The following RCBTB1 variants were observed in gnomAD, a reference collection of about 807,000 sequenced individuals.
RCBTB1 encodes the protein RCC1 and BTB domain-containing protein 1.
Under a neutral mutation model 62.4 loss-of-function variants are expected in RCBTB1, and 46 were observed. The observed-to-expected ratio is 0.74, with a 90% CI of 0.58 to 0.94. The LOEUF is 0.94. Ranked by LOEUF, RCBTB1 falls within the 40% of genes least tolerant of loss-of-function variation. The pLI is 0.00. For missense variants in RCBTB1, 565 were observed against 654.9 expected (o/e 0.86, Z 1.50); for synonymous variants, 222 against 245.8 (o/e 0.90, Z 0.91).
At chr13:49,567,067 G>T in intron 3 of RCBTB1, 87 bp downstream of exon 3, 1 of 1,248,134 alleles carries the variant, frequency 8.0e-7, no homozygotes, top group Non-Finnish European at 1.1e-6. Context: ...TTTATACCCC[G>T]CCTTTTCTCC....
chr13:49,572,080 A>G (rs1336551010), intron 2 of RCBTB1, among the ~76,000 whole-genome samples: 1 of 152,146 alleles, frequency 6.6e-6, no homozygotes. Flanking sequence ...TAATTCCAGC[A>G]CTTTGGGAGG....
At chr13:49,534,347 A>T (rs1172061856) in intron 12 of RCBTB1, 85 bp from the exon 13 acceptor site, 1 of 1,353,952 alleles carries the variant, frequency 7.4e-7, no homozygotes, top group Non-Finnish European at 1.0e-6. Flanking sequence ...CTTTACCCCA[A>T]ATCTCTCACC....
chr13:49,551,958 ATTT>A (rs5803472), intron 7 of RCBTB1, among the ~76,000 whole-genome samples: 18 of 137,496 alleles, frequency 1.3e-4, no homozygotes, highest in Admixed American at 3.1e-4. Context: ...GAATTTTTCC[ATTT>A]TTTTTTTTTT....
At chr13:49,570,270 T>A (rs1454291558) in intron 2 of RCBTB1, among the ~76,000 whole-genome samples, 1 of 152,228 alleles carries the variant, frequency 6.6e-6, no homozygotes, top group South Asian at 2.1e-4. Flanking sequence ...GGTTTGGTAA[T>A]CTACTGCAAG....
intron 9 of RCBTB1, among the ~76,000 whole-genome samples, chr13:49,545,822 G>T (rs191707752): frequency 2.0e-5 from 3 of 152,112 alleles, no homozygotes; most frequent in Non-Finnish European, 4.4e-5. Flanking sequence ...CCTTGGTAGC[G>T]TGCTGTTACC....
At chr13:49,578,239 A>G (rs769721748) in intron 2 of RCBTB1, among the ~76,000 whole-genome samples, 1 of 152,254 alleles carries the variant, frequency 6.6e-6, no homozygotes, top group African/African-American at 2.4e-5. Flanking sequence ...CAGATTACTT[A>G]TAATACCTAA....
intron 3 of RCBTB1, 125 bp from the exon 4 acceptor site, chr13:49,566,893 G>T: frequency 1.0e-6 from 1 of 972,470 alleles, no homozygotes; most frequent in Non-Finnish European, 1.5e-6. Context: ...GACTGATATG[G>T]TTGTTAAGAA....
intron 2 of RCBTB1, among the ~76,000 whole-genome samples, chr13:49,573,787 CTT>C (rs563725059): frequency 8.8e-5 from 11 of 125,608 alleles, no homozygotes; most frequent in African/African-American, 5.7e-5. Flanking sequence ...AAATTTCTCT[CTT>C]TTTTTTTTTT....
At chr13:49,537,104 T>G (rs958922154) in intron 12 of RCBTB1, among the ~76,000 whole-genome samples, 1 of 152,162 alleles carries the variant, frequency 6.6e-6, no homozygotes, top group African/African-American at 2.4e-5. Flanking sequence ...TGTTAATAAT[T>G]TGAAGACCAC....
At chr13:49,562,997 T>A (rs920981813) in intron 4 of RCBTB1, among the ~76,000 whole-genome samples, 25 of 150,662 alleles carry the variant, frequency 1.7e-4, no homozygotes, top group African/African-American at 5.9e-4. Context: ...AATTAAAAAT[T>A]ACACCAGAGT....
chr13:49,544,998 A>G, intron 9 of RCBTB1, 135 bp from the exon 10 acceptor site: 1 of 660,268 alleles, frequency 1.5e-6, no homozygotes, highest in East Asian at 2.8e-5. Context: ...ACCTTGTTTG[A>G]CAAATCAATT....
intron 1 of RCBTB1, among the ~76,000 whole-genome samples, chr13:49,584,646 G>A (rs980247687): frequency 3.9e-5 from 6 of 152,138 alleles, no homozygotes; most frequent in African/African-American, 1.4e-4. Flanking sequence ...TGTCCTCTAA[G>A]GGCTTTTAGT....
chr13:49,560,040 C>T lies in RCBTB1; in HGVS notation c.322G>A (p.Gly108Arg). 1 of 1,614,180 alleles carries T rather than the reference C, an allele frequency of 6.2e-7. No individual in the cohort carries two copies. The highest frequency in any genetic ancestry group is 8.5e-7 in the Non-Finnish European group (1 of 1,180,026). Residue 108 changes from glycine to arginine, a missense_variant, in exon 5 of 13, where the codon GGG becomes AGG. Physicochemically the swap from Gly to Arg is moderately radical, Grantham distance 125. Coordinates refer to ENST00000378302, the MANE Select transcript of RCBTB1 (RefSeq NM_018191.4). ...ATGCCTTGGTTGGTCGTCCCATTCC[C>T]AAGCTGGCTATATCCATTGTGGCCC... Reference protein sequence around the residue: ...AWGHNGYSQLGNGTTNQGIAP... With the variant: ...AWGHNGYSQLRNGTTNQGIAP...
At chr13:49,581,672 A>G (rs946924117) in intron 1 of RCBTB1, among the ~76,000 whole-genome samples, 1 of 152,136 alleles carries the variant, frequency 6.6e-6, no homozygotes, top group African/African-American at 2.4e-5. Context: ...GACAGGGAGT[A>G]CCCCCTAGAA....
At chr13:49,539,344 G>C (rs1960180689) in intron 12 of RCBTB1, 1 of 152,238 alleles carries the variant, frequency 6.6e-6, no homozygotes, top group Non-Finnish European at 1.5e-5. Flanking sequence ...TACTTAATAT[G>C]AGAAAAATGA....
intron 2 of RCBTB1, among the ~76,000 whole-genome samples, chr13:49,571,888 A>G (rs1963422563): frequency 6.6e-6 from 1 of 152,206 alleles, no homozygotes; most frequent in African/African-American, 2.4e-5. Context: ...TAAGGATCAT[A>G]ATTATATCAA....
At chr13:49,575,203 G>A (rs149515280) in intron 2 of RCBTB1, among the ~76,000 whole-genome samples, 192 of 152,220 alleles carry the variant, frequency 1.3e-3, no homozygotes, top group African/African-American at 4.4e-3. Flanking sequence ...ACCACAATGA[G>A]ATACTATCTC....
chr13:49,545,033 G>T (rs912658468), intron 9 of RCBTB1, among the ~76,000 whole-genome samples, 170 bp from the exon 10 acceptor site: 3 of 151,296 alleles, frequency 2.0e-5, no homozygotes, highest in Non-Finnish European at 2.9e-5. Context: ...TAAGTATCCT[G>T]CATCTATAAA....
Position 49,567,198 on chromosome 13 carries a change from C to A in RCBTB1, c.82G>T (p.Gly28Cys). The change falls in exon 3 of 13, where the codon GGC becomes TGC. Residue 28 changes from glycine to cysteine, a missense_variant. By Grantham distance (159) the Gly-to-Cys change is radical. Coordinates refer to ENST00000378302, the MANE Select transcript of RCBTB1 (RefSeq NM_018191.4). The part of the protein sequence containing the change: ...IASIRKACVF[G>C]TSASEALYVT... Reference sequence around the variant, plus strand: ...TACAGTGCTTCACTGGCTGAGGTGCCGAAGACACACGCCTTCCGAATAGAC... The same window carrying A: ...TACAGTGCTTCACTGGCTGAGGTGCAGAAGACACACGCCTTCCGAATAGAC... The A allele has an allele frequency of 1.2e-6, 2 of 1,613,770 alleles. No individual in the cohort carries two copies. Among genetic ancestry groups the A allele is most frequent in the Non-Finnish European group, 1.7e-6 (2 of 1,179,788 alleles).
Sources: allele counts gnomAD v4.1 joint callset (sites outside exome capture counted in the v4.1 genomes callset), GRCh38; gene constraint gnomAD v4.1.1; transcripts MANE v1.5; gene names NCBI Gene and HGNC (gene_info 2026-07-23, HGNC 2026-07-21).